PRELID2: variants seen among roughly 807,000 people sequenced by gnomAD.
PRELID2 encodes the protein PRELI domain-containing protein 2.
A neutral mutation model predicts 28.4 loss-of-function variants in PRELID2; 25 were observed. The ratio of observed to expected loss-of-function variants is 0.88; its 90% CI spans 0.64 to 1.23. The LOEUF is 1.23. Ranked by LOEUF, PRELID2 falls within the 50% of genes most tolerant of loss-of-function variation. The probability of loss-of-function intolerance (pLI) is 0.00; values close to 1 mark genes in which losing one functional copy is unlikely to be tolerated. For missense variants in PRELID2, 201 were observed against 214.4 expected, an observed-to-expected ratio of 0.94 and a Z score of 0.39; for synonymous variants, 76 against 71.6, an observed-to-expected ratio of 1.06 and a Z score of -0.31.
the PRELID2 span, among the ~76,000 whole-genome samples, chr5:145,333,819 C>CAA: frequency 0.034 from 3,093 of 91,042 alleles, 58 homozygotes; most frequent in African/African-American, 0.043. Flanking sequence ...CTGGAGTATA[C>CAA]AAAAAAAAAA....
At chr5:145,451,550 T>C in the PRELID2 span, among the ~76,000 whole-genome samples, 1 of 152,136 alleles carries the variant, frequency 6.6e-6, no homozygotes, top group Non-Finnish European at 1.5e-5. Context: ...CTCCTCATGA[T>C]CCTCCAGGGT....
chr5:145,513,355 T>C (rs763714651), intron 1 of PRELID2, among the ~76,000 whole-genome samples: 9 of 151,478 alleles, frequency 5.9e-5, no homozygotes, highest in Admixed American at 1.3e-4. Context: ...CAAGTATCAA[T>C]AGCCGAACAG....
At chr5:145,725,783 C>A (rs770590657) in intron 1 of PRELID2, among the ~76,000 whole-genome samples, 1 of 152,178 alleles carries the variant, frequency 6.6e-6, no homozygotes, top group Non-Finnish European at 1.5e-5. Context: ...ATGATTATAT[C>A]TCAACAGGCT....
intron 1 of PRELID2, among the ~76,000 whole-genome samples, chr5:145,514,238 G>A (rs1482710072): frequency 4.6e-5 from 7 of 150,586 alleles, no homozygotes; most frequent in Non-Finnish European, 8.9e-5. Context: ...TGCTGTATTC[G>A]GGAGACTCAT....
chr5:145,823,545 C>T (rs534432390), intron 1 of PRELID2, among the ~76,000 whole-genome samples: 1 of 152,146 alleles, frequency 6.6e-6, no homozygotes, highest in Non-Finnish European at 1.5e-5. Flanking sequence ...TACCACCATC[C>T]CCATCTTTCA....
the PRELID2 span, among the ~76,000 whole-genome samples, chr5:145,350,885 G>T: frequency 6.6e-6 from 1 of 152,150 alleles, no homozygotes; most frequent in Non-Finnish European, 1.5e-5. Flanking sequence ...CCTGGCTTGT[G>T]AGATTTGGTC....
intron 1 of PRELID2, among the ~76,000 whole-genome samples, chr5:145,700,434 C>G (rs1755380247): frequency 6.6e-6 from 1 of 152,146 alleles, no homozygotes; most frequent in African/African-American, 2.4e-5. Context: ...TGGTTTTCAC[C>G]AGCAAGGTAG....
chr5:145,711,665 A>G (rs965333956), intron 1 of PRELID2, among the ~76,000 whole-genome samples: 5 of 151,794 alleles, frequency 3.3e-5, no homozygotes, highest in Admixed American at 6.6e-5. Context: ...GGCTGAGGGC[A>G]GAGTAGGAGA....
chr5:145,474,334 C>T (rs1219975630), intron 1 of PRELID2, among the ~76,000 whole-genome samples: 1 of 152,160 alleles, frequency 6.6e-6, no homozygotes, highest in Non-Finnish European at 1.5e-5. Context: ...TTGCCATAAT[C>T]ATTTTATAAA....
At chr5:145,643,893 T>G (rs796984718) in intron 1 of PRELID2, among the ~76,000 whole-genome samples, 2 of 152,242 alleles carry the variant, frequency 1.3e-5, no homozygotes, top group Non-Finnish European at 2.9e-5. Context: ...AGCTTTTTGA[T>G]GTACTGCTGG....
At chr5:145,656,668 C>T (rs1264708887) in intron 1 of PRELID2, among the ~76,000 whole-genome samples, 6 of 149,590 alleles carry the variant, frequency 4.0e-5, no homozygotes, top group East Asian at 2.0e-4. Flanking sequence ...AACCAAACAC[C>T]GCATGTTCTC....
intron 1 of PRELID2, among the ~76,000 whole-genome samples, chr5:145,667,377 G>A (rs1754615612): frequency 6.6e-6 from 1 of 152,028 alleles, no homozygotes; most frequent in African/African-American, 2.4e-5. Flanking sequence ...GATAACAAAG[G>A]AAAGGAAATC....
At chr5:145,471,972 G>A (rs747463769) in exon 3 of PRELID2, 2 of 152,124 alleles carry the variant, frequency 1.3e-5, no homozygotes, top group Non-Finnish European at 2.9e-5. Context: ...ATTCATTTGA[G>A]TCATCATTGT....
intron 1 of PRELID2, among the ~76,000 whole-genome samples, chr5:145,686,158 T>C (rs1321545392): frequency 2.6e-5 from 4 of 152,158 alleles, no homozygotes; most frequent in Non-Finnish European, 5.9e-5. Flanking sequence ...CCTAAGTCTG[T>C]TACATGCCTT....
chr5:145,334,777 T>G, the PRELID2 span, among the ~76,000 whole-genome samples: 6 of 151,852 alleles, frequency 4.0e-5, no homozygotes, highest in African/African-American at 1.4e-4. Context: ...GTCAGTTTTT[T>G]TTTTTTTTTT....
chr5:145,268,141 C>G, the PRELID2 span, among the ~76,000 whole-genome samples: 1 of 152,040 alleles, frequency 6.6e-6, no homozygotes, highest in African/African-American at 2.4e-5. Context: ...CCTTTTAACT[C>G]GATGTGATCC....
the PRELID2 span, among the ~76,000 whole-genome samples, chr5:145,239,532 C>T: frequency 2.0e-5 from 3 of 151,884 alleles, no homozygotes; most frequent in Non-Finnish European, 2.9e-5. Flanking sequence ...ATGGTAAATG[C>T]TATAATGCAA....
chr5:145,256,439 C>T, the PRELID2 span, among the ~76,000 whole-genome samples: 1 of 151,908 alleles, frequency 6.6e-6, no homozygotes, highest in South Asian at 2.1e-4. Context: ...ACATTGGGTT[C>T]ACCCAGTTGA....
the PRELID2 span, chr5:145,229,011 G>C: frequency 9.4e-6 from 15 of 1,602,188 alleles, no homozygotes; most frequent in Admixed American, 8.3e-5. Context: ...TGTCAGCAGG[G>C]AGTTTGTGGA....
Sources: allele counts gnomAD v4.1 joint callset (sites outside exome capture counted in the v4.1 genomes callset), GRCh38; gene constraint gnomAD v4.1.1; transcripts MANE v1.5; gene names NCBI Gene and HGNC (gene_info 2026-07-23, HGNC 2026-07-21).